KIF13B: variants seen among roughly 807,000 people sequenced by gnomAD.
The protein encoded by KIF13B is kinesin family member 13B.
KIF13B carries 127 observed loss-of-function variants against 222.0 expected under a neutral mutation model. That is an observed-to-expected ratio of 0.57 (90% confidence interval 0.50 to 0.66). KIF13B has a LOEUF of 0.66. KIF13B is among the 30% of genes least tolerant of loss of function. The pLI is 0.00. For missense variants in KIF13B, 2,173 were observed against 2,379.0 expected (o/e 0.91, Z 1.80); for synonymous variants, 976 against 919.0 (o/e 1.06, Z -1.12).
intron 31 of KIF13B, 41 bp downstream of exon 31, chr8:29,116,790 C>T (rs747599139): frequency 2.6e-6 from 4 of 1,558,230 alleles, no homozygotes; most frequent in Admixed American, 3.5e-5. Flanking sequence ...ACCCTCAGGT[C>T]GCAACTGTGG....
chr8:29,083,655 TAA>T (rs946768458), intron 37 of KIF13B, among the ~76,000 whole-genome samples: 3 of 152,148 alleles, frequency 2.0e-5, no homozygotes, highest in Admixed American at 6.5e-5. Context: ...TCTGGAAAAC[TAA>T]AAGAGTGATA....
chr8:29,112,898 T>G (rs543947265), intron 32 of KIF13B, among the ~76,000 whole-genome samples: 1 of 152,326 alleles, frequency 6.6e-6, no homozygotes, highest in South Asian at 2.1e-4. Flanking sequence ...ATATCTCAAT[T>G]AGTTCAGAAA....
At chr8:29,224,388 G>A (rs562133038) in intron 2 of KIF13B, among the ~76,000 whole-genome samples, 3 of 152,092 alleles carry the variant, frequency 2.0e-5, no homozygotes, top group Non-Finnish European at 2.9e-5. Flanking sequence ...ATCACTGGCC[G>A]GGCATGGTGG....
chr8:29,215,775 T>C (rs1814451320), intron 2 of KIF13B, among the ~76,000 whole-genome samples: 1 of 152,232 alleles, frequency 6.6e-6, no homozygotes, highest in South Asian at 2.1e-4. Flanking sequence ...CTTTGAATGC[T>C]TGAAGGACAA....
chr8:29,220,482 C>T (rs1272725209), intron 2 of KIF13B, among the ~76,000 whole-genome samples: 1 of 151,626 alleles, frequency 6.6e-6, no homozygotes, highest in Admixed American at 6.6e-5. Flanking sequence ...CAGTAACTGG[C>T]AAGGAGGGGA....
intron 18 of KIF13B, chr8:29,145,999 T>C: frequency 2.6e-6 from 1 of 379,896 alleles, no homozygotes; most frequent in Non-Finnish European, 4.7e-6. Context: ...GAAAATAACA[T>C]AAGCAAAATG....
chr8:29,228,486 T>A (rs1265625781), intron 2 of KIF13B, among the ~76,000 whole-genome samples: 1 of 132,184 alleles, frequency 7.6e-6, no homozygotes, highest in Non-Finnish European at 1.7e-5. Flanking sequence ...TATATATATA[T>A]ATATGAGATA....
chr8:29,082,282 T>C (rs1807847151), intron 37 of KIF13B, among the ~76,000 whole-genome samples: 1 of 152,212 alleles, frequency 6.6e-6, no homozygotes, highest in Admixed American at 6.5e-5. Flanking sequence ...AATGACACCA[T>C]TCACATGGTC....
At chr8:29,137,824 A>C (rs1449628282) in intron 21 of KIF13B, among the ~76,000 whole-genome samples, 1 of 152,212 alleles carries the variant, frequency 6.6e-6, no homozygotes, top group African/African-American at 2.4e-5. Flanking sequence ...CACACCGGAA[A>C]ACAAGAAAGC....
intron 37 of KIF13B, among the ~76,000 whole-genome samples, chr8:29,092,170 A>G (rs569911226): frequency 2.0e-5 from 3 of 152,370 alleles, no homozygotes; most frequent in East Asian, 1.9e-4. Flanking sequence ...TGCATTTCCA[A>G]TGGGGTTCCC....
chr8:29,263,172 C>A (rs1040675296), upstream of KIF13B: 13 of 718,472 alleles, frequency 1.8e-5, no homozygotes, highest in Non-Finnish European at 2.8e-5. Context: ...GCGCGAGCTC[C>A]GGGCGCTCCC....
At chr8:29,114,342 G>A (rs6558095) in intron 31 of KIF13B, among the ~76,000 whole-genome samples, 94,335 of 152,062 alleles carry the variant, frequency 0.62, 30,017 homozygotes, top group Non-Finnish European at 0.69. Flanking sequence ...ACCTAATGAT[G>A]ATTTATTTCA....
chr8:29,070,533 G>C lies in KIF13B; in HGVS notation c.5452C>G (p.Pro1818Ala), dbSNP rs1273893668. The C allele has an allele frequency of 3.1e-6, 5 of 1,610,718 alleles. No homozygotes were observed. Among genetic ancestry groups the C allele is most frequent in the Non-Finnish European group, 4.2e-6 (5 of 1,178,904 alleles). Residue 1818 changes from proline to alanine, a missense_variant, in exon 40 of 40, where the codon CCT (proline) becomes GCT (alanine). Transcript: ENST00000524189. This position sits in a 1 kb window ranked among gnomAD's most constrained non-coding sequence, Gnocchi z 4.1. ...LAKADRSHKNPENRKSWAS is the reference protein window; with the variant it reads ...LAKADRSHKNAENRKSWAS ...CTGGCCCAGGATTTCCGGTTCTCAG[G>C]GTTCTTGTGGCTCCTGTCGGCCTTG...
chr8:29,159,715 C>T (rs894959071), intron 13 of KIF13B, among the ~76,000 whole-genome samples: 2 of 152,166 alleles, frequency 1.3e-5, no homozygotes, highest in African/African-American at 2.4e-5. Flanking sequence ...AGCTTTGCCG[C>T]CACTGAACCA....
At chr8:29,138,862 A>G (rs1422629148) in intron 21 of KIF13B, among the ~76,000 whole-genome samples, 1 of 152,230 alleles carries the variant, frequency 6.6e-6, no homozygotes, top group Non-Finnish European at 1.5e-5. Flanking sequence ...ACCAAGAGAC[A>G]TACCAACCAA....
At chr8:29,196,426 T>C (rs1813426238) in intron 2 of KIF13B, among the ~76,000 whole-genome samples, 1 of 152,214 alleles carries the variant, frequency 6.6e-6, no homozygotes, top group Non-Finnish European at 1.5e-5. Context: ...TGTATCTCTC[T>C]GGTAGAAGGA....
At chr8:29,074,839 G>A (rs1307685495) in intron 38 of KIF13B, among the ~76,000 whole-genome samples, 1 of 152,244 alleles carries the variant, frequency 6.6e-6, no homozygotes, top group Non-Finnish European at 1.5e-5. Context: ...GGAGAAAATA[G>A]ATTTGCTATT....
At chr8:29,079,016 T>A (rs992288696) in intron 37 of KIF13B, among the ~76,000 whole-genome samples, 2 of 152,214 alleles carry the variant, frequency 1.3e-5, no homozygotes, top group African/African-American at 4.8e-5. Context: ...GGTCAGAATT[T>A]TAAAACTTGG....
At chr8:29,166,125 T>C (rs947736413) in intron 11 of KIF13B, among the ~76,000 whole-genome samples, 2 of 152,226 alleles carry the variant, frequency 1.3e-5, no homozygotes, top group African/African-American at 2.4e-5. Flanking sequence ...TAGCCCTTAT[T>C]GATGACTTCA....
Sources: gnomAD v4.1 joint callset for allele counts (sites outside exome capture counted in the v4.1 genomes callset) on GRCh38, gnomAD v4.1.1 for gene constraint, Gnocchi (gnomAD v3.1) non-coding constraint, MANE v1.5 for transcripts, NCBI Gene and HGNC (gene_info 2026-07-23, HGNC 2026-07-21) for gene names.